Variants in PAX7 observed in about 807,000 individuals in gnomAD.
PAX7 encodes the protein paired box 7, also known as paired box protein Pax-7.
PAX7 carries 18 observed loss-of-function variants against 50.7 expected under a neutral mutation model. That is an observed-to-expected ratio of 0.36 (90% CI 0.25 to 0.53). The LOEUF (loss-of-function observed/expected upper bound fraction) is 0.53, where lower values mean the gene tolerates loss of function less well. PAX7 is among the 20% of genes least tolerant of loss of function. PAX7 has a pLI of 0.93. For synonymous variants in PAX7, 310 were observed against 290.4 expected, an observed-to-expected ratio of 1.07 and a Z score of -0.69; for missense variants, 644 against 702.9, an observed-to-expected ratio of 0.92 and a Z score of 0.95.
chr1:18,655,299 G>T (rs138997080), intron 4 of PAX7, among the ~76,000 whole-genome samples: 5 of 152,290 alleles, frequency 3.3e-5, no homozygotes, highest in South Asian at 4.1e-4. Context: ...CAGGTGGCAC[G>T]TCCCCTCCGT....
rs151087046 is a variant in PAX7, at chr1:18,695,500, G to A, written c.786+3547G>A. On this transcript the variant is annotated intron_variant, in intron 5 of 8. Coordinates refer to ENST00000420770, the MANE Select transcript of PAX7 (RefSeq NM_001135254.2). ...GTGGGGATCTGGTCACCAAAGAGTG[G>A]CCTGTTATCCCCTCTGGCTCCCTCA... Among the ~76,000 whole-genome samples the A allele has an allele frequency of 1.1e-3, 173 of 152,284 alleles. 1 individual carries two copies. Among genetic ancestry groups the A allele is most frequent in the African/African-American group, 4.1e-3 (172 of 41,560 alleles).
chr1:18,671,880 G>A (rs1318834991), intron 4 of PAX7, among the ~76,000 whole-genome samples: 11 of 151,846 alleles, frequency 7.2e-5, no homozygotes, highest in Non-Finnish European at 1.0e-4. Context: ...GGGAGGTCGA[G>A]GCAGGAGGAT....
At chr1:18,718,945 T>G (rs2089462102) in intron 7 of PAX7, among the ~76,000 whole-genome samples, 1 of 152,168 alleles carries the variant, frequency 6.6e-6, no homozygotes, top group South Asian at 2.1e-4. Context: ...CAGCCGACCC[T>G]TCTTTTCTTT....
intron 7 of PAX7, among the ~76,000 whole-genome samples, chr1:18,718,221 AG>A (rs1357975010): frequency 6.6e-6 from 1 of 152,182 alleles, no homozygotes; most frequent in Non-Finnish European, 1.5e-5. Flanking sequence ...AGAGCTGGCC[AG>A]GGATGGAAGG....
rs149990877 is a variant in PAX7 at position 18,689,013 on chromosome 1, T to C, written c.587-2741T>C. 4.7e-3 allele frequency among the ~76,000 whole-genome samples: 712 copies of C among 152,322 alleles called. 1 individual carries two copies. The highest frequency in any genetic ancestry group is 0.024 in the Middle Eastern group (7 of 294). On this transcript the variant is annotated intron_variant, in intron 4 of 8. Transcript: ENST00000420770. Reference sequence around the variant, plus strand: ...ACTGGGGCTTTCTGAGGGTAGGGCCTGTGTCTGCCCTCATCTCTGACCTCA... The same window carrying C: ...ACTGGGGCTTTCTGAGGGTAGGGCCCGTGTCTGCCCTCATCTCTGACCTCA...
chr1:18,690,052 T>A (rs777761790), intron 4 of PAX7, among the ~76,000 whole-genome samples: 11 of 152,214 alleles, frequency 7.2e-5, no homozygotes, highest in Non-Finnish European at 1.6e-4. Flanking sequence ...CCATCTCTGA[T>A]GCGAGCACAA....
At chr1:18,707,122 C>A (rs1202334015) in intron 7 of PAX7, among the ~76,000 whole-genome samples, 1 of 152,218 alleles carries the variant, frequency 6.6e-6, no homozygotes, top group Non-Finnish European at 1.5e-5. Flanking sequence ...AGGCACTGTT[C>A]TAGGCACTTG....
Position 18,748,821 on chromosome 1 carries a change from CTG to C in PAX7, c.*3894_*3895del. 1 of 213,488 alleles carries C rather than the reference CTG, an allele frequency of 4.7e-6. No homozygotes were observed. Among genetic ancestry groups the C allele is most frequent in the South Asian group, 1.9e-4 (1 of 5,340 alleles). 13.2% of individuals were successfully genotyped at this position (213,488 alleles called of 1,614,324 possible). A position where few individuals can be genotyped will look rare whatever the true frequency, so the allele number is the denominator to read the frequency against. ...TACCTGCTGCTTGTAAGCGCTTCCTCTGTAACTCAGGCGTAACTGTTATACAT... is the reference window on the plus strand; with the variant it reads ...TACCTGCTGCTTGTAAGCGCTTCCTCTAACTCAGGCGTAACTGTTATACAT... On this transcript the variant is annotated 3_prime_UTR_variant, in exon 9 of 9. Transcript: ENST00000420770.
At chr1:18,648,824 C>T (rs1212419007) in intron 4 of PAX7, among the ~76,000 whole-genome samples, 2 of 152,056 alleles carry the variant, frequency 1.3e-5, no homozygotes, top group Non-Finnish European at 2.9e-5. Flanking sequence ...GAGAATGTAC[C>T]GGAAGATGTG....
intron 4 of PAX7, among the ~76,000 whole-genome samples, chr1:18,687,529 G>A (rs2088994723): frequency 2.0e-5 from 3 of 152,212 alleles, no homozygotes; most frequent in Admixed American, 1.3e-4. Flanking sequence ...TTGTAAAAGA[G>A]TCAATAGTCC....
At chr1:18,653,546 A>T (rs2088467090) in intron 4 of PAX7, among the ~76,000 whole-genome samples, 1 of 152,020 alleles carries the variant, frequency 6.6e-6, no homozygotes, top group South Asian at 2.1e-4. Flanking sequence ...GTCTGTGGTT[A>T]TGTGGATATG....
rs1214649099 is a variant in PAX7, at chr1:18,703,439, C to T, written c.1155+143C>T. The T allele has an allele frequency of 4.1e-6, 3 of 724,286 alleles. No homozygotes were observed. The Admixed American group carries it at 6.7e-5, about 16-fold the overall frequency. 44.9% of individuals were successfully genotyped at this position (724,286 alleles called of 1,614,324 possible). ...TTTTTGTTCTAGAATCAGGAATCCTCCCTGGACTCTGTCCTGTGCTCTTGG... is the reference window on the plus strand; with the variant it reads ...TTTTTGTTCTAGAATCAGGAATCCTTCCTGGACTCTGTCCTGTGCTCTTGG... On this transcript the variant is annotated intron_variant, in intron 7 of 8. Transcript: ENST00000420770.
chr1:18,740,106 G>A (rs1040850532), intron 8 of PAX7, among the ~76,000 whole-genome samples: 2 of 152,192 alleles, frequency 1.3e-5, no homozygotes, highest in South Asian at 2.1e-4. Context: ...CCACGGGCGC[G>A]AGGCAGAAGA....
intron 4 of PAX7, among the ~76,000 whole-genome samples, chr1:18,688,369 A>G (rs1347940766): frequency 1.3e-5 from 2 of 152,208 alleles, no homozygotes; most frequent in Non-Finnish European, 2.9e-5. Flanking sequence ...TAATGACTGT[A>G]TCGGATTGTG....
intron 4 of PAX7, among the ~76,000 whole-genome samples, chr1:18,643,589 G>T (rs928400766): frequency 6.6e-6 from 1 of 152,208 alleles, no homozygotes; most frequent in Non-Finnish European, 1.5e-5. Flanking sequence ...GAGCCAGCGG[G>T]ACCTAGAGAC....
At chr1:18,675,864 G>A (rs1424271618) in intron 4 of PAX7, among the ~76,000 whole-genome samples, 1 of 152,110 alleles carries the variant, frequency 6.6e-6, no homozygotes, top group African/African-American at 2.4e-5. Flanking sequence ...CCGGCAGCGG[G>A]GAGATGCAGC....
chr1:18,638,420 G>T (rs1419689596), intron 4 of PAX7, among the ~76,000 whole-genome samples: 1 of 152,226 alleles, frequency 6.6e-6, no homozygotes. Context: ...GTCTCCAAGG[G>T]TTTAAAGTGG....
chr1:18,639,861 G>C (rs2088222973), intron 4 of PAX7, among the ~76,000 whole-genome samples: 1 of 152,144 alleles, frequency 6.6e-6, no homozygotes, highest in African/African-American at 2.4e-5. Context: ...ATCAGACCAG[G>C]GGCTCCGCTT....
Position 18,633,647 on chromosome 1 carries a change from C to G in PAX7, c.86-656C>G, listed in dbSNP as rs186021566. On this transcript the variant is annotated intron_variant, in intron 1 of 8. Transcript: ENST00000420770. ...CAAGGAGAGTCACCCAAGGGACAAC[C>G]AGGTGCCCTTGGAGGCAGCAGCCAA... 5.3e-5 allele frequency among the ~76,000 whole-genome samples: 8 copies of G among 152,326 alleles called. No individual in the cohort carries two copies. The East Asian group carries it at 1.2e-3, about 22-fold the overall frequency.
Sources: allele counts gnomAD v4.1 joint callset (sites outside exome capture counted in the v4.1 genomes callset), GRCh38; gene constraint gnomAD v4.1.1; transcripts MANE v1.5; gene names NCBI Gene and HGNC (gene_info 2026-07-23, HGNC 2026-07-21).